Variants in PARD3B observed in about 807,000 individuals in gnomAD.
PARD3B encodes partitioning defective 3 homolog B.
In PARD3B, 103 loss-of-function variants were observed where a neutral mutation model predicts 130.2. That is an observed-to-expected ratio of 0.79 (90% confidence interval 0.67 to 0.93). The LOEUF (loss-of-function observed/expected upper bound fraction) is 0.93, where lower values mean the gene tolerates loss of function less well. Ranked by LOEUF, PARD3B falls within the 40% of genes least tolerant of loss-of-function variation. The probability of loss-of-function intolerance (pLI) is 0.00; values close to 1 mark genes in which losing one functional copy is unlikely to be tolerated. For missense variants in PARD3B, 1,609 were observed against 1,499.2 expected, an observed-to-expected ratio of 1.07 and a Z score of -1.21; for synonymous variants, 583 against 553.2, an observed-to-expected ratio of 1.05 and a Z score of -0.76.
At chr2:205,399,640 C>A (rs961164525) in intron 18 of PARD3B, among the ~76,000 whole-genome samples, 28 of 152,160 alleles carry the variant, frequency 1.8e-4, no homozygotes, top group Non-Finnish European at 3.4e-4. Context: ...CAGGCGTGAG[C>A]CACCACACCC....
At chr2:204,556,914 A>C (rs1386166818) in intron 1 of PARD3B, among the ~76,000 whole-genome samples, 1 of 152,084 alleles carries the variant, frequency 6.6e-6, no homozygotes, top group Non-Finnish European at 1.5e-5. Flanking sequence ...AAAATTATCA[A>C]GATCTAGTAG....
At chr2:205,390,873 T>C (rs1008702434) in intron 18 of PARD3B, among the ~76,000 whole-genome samples, 14 of 152,266 alleles carry the variant, frequency 9.2e-5, no homozygotes, top group Non-Finnish European at 1.8e-4. Flanking sequence ...TTTGATGTTT[T>C]ATTTAGAGAC....
chr2:204,725,322 G>A (rs1247357297), intron 2 of PARD3B, among the ~76,000 whole-genome samples: 1 of 152,122 alleles, frequency 6.6e-6, no homozygotes, highest in East Asian at 1.9e-4. Context: ...GAAAAAGCAA[G>A]ACAAATTGCT....
intron 20 of PARD3B, among the ~76,000 whole-genome samples, chr2:205,493,720 GTATGTATT>G (rs1346101402): frequency 0.055 from 277 of 5,068 alleles, 3 homozygotes; most frequent in South Asian, 0.28. Flanking sequence ...TTTCATTTAT[GTATGTATT>G]TATTTATTTA....
chr2:204,662,604 GAATATTAAAGATACGT>G (rs758657537), intron 1 of PARD3B, among the ~76,000 whole-genome samples: 12 of 152,222 alleles, frequency 7.9e-5, no homozygotes, highest in Non-Finnish European at 1.3e-4. Context: ...TTGTCACATA[GAATATTAAAGATACGT>G]AAGTTCAAGG....
Position 205,407,335 on chromosome 2 carries a change from A to G in PARD3B, c.2741+6212A>G, listed in dbSNP as rs1320501255. 6.6e-6 allele frequency among the ~76,000 whole-genome samples: 1 copy of G among 152,222 alleles called. No individual in the cohort carries two copies. The highest frequency in any genetic ancestry group is 1.9e-4 in the East Asian group (1 of 5,204). ...TGCTTCAGTGAGATTAGCCATAATA[A>G]AAGATTAGTTCCAAAGGCCCATATT... On this transcript the variant is annotated intron_variant, in intron 19 of 22. Coordinates refer to ENST00000406610, the MANE Select transcript of PARD3B (RefSeq NM_001302769.2). This position sits in a 1 kb window ranked among gnomAD's most constrained non-coding sequence, Gnocchi z 4.1.
intron 21 of PARD3B, among the ~76,000 whole-genome samples, chr2:205,502,819 A>G (rs972470327): frequency 1.3e-5 from 2 of 152,122 alleles, no homozygotes; most frequent in African/African-American, 4.8e-5. Flanking sequence ...ATATAAATAT[A>G]TATGACTAAT....
intron 1 of PARD3B, among the ~76,000 whole-genome samples, chr2:204,548,322 C>T (rs766837857): frequency 9.9e-5 from 15 of 152,038 alleles, no homozygotes; most frequent in Admixed American, 2.6e-4. Flanking sequence ...TAATAATAAT[C>T]ACACTAACAT....
intron 1 of PARD3B, among the ~76,000 whole-genome samples, chr2:204,560,071 G>A (rs904417634): frequency 3.9e-5 from 6 of 152,094 alleles, no homozygotes; most frequent in Non-Finnish European, 8.8e-5. Flanking sequence ...ATAGCATTGG[G>A]AGAAATACCT....
At position 205,615,998 on chromosome 2, in the gene PARD3B, GA is replaced by G. The variant is rs199979746; in HGVS notation, c.*193del. On this transcript the variant is annotated 3_prime_UTR_variant, in exon 23 of 23. Coordinates refer to ENST00000406610, the MANE Select transcript of PARD3B (RefSeq NM_001302769.2). ...AAAGAAGGGGAAGGGAATTGGGGAG[GA>G]AAAAAAATCAGAAGGAAGACGAAAG... is the stretch of plus-strand genomic sequence containing the variant. The G allele has an allele frequency of 2.1e-5, 12 of 561,890 alleles. No individual in the cohort carries two copies. Among genetic ancestry groups the G allele is most frequent in the African/African-American group, 1.1e-4 (6 of 52,430 alleles). 34.8% of individuals were successfully genotyped at this position (561,890 alleles called of 1,614,324 possible).
intron 2 of PARD3B, among the ~76,000 whole-genome samples, chr2:204,848,112 A>G (rs929908038): frequency 2.0e-5 from 3 of 152,128 alleles, no homozygotes; most frequent in Admixed American, 2.0e-4. Flanking sequence ...GTTCTATTTT[A>G]TTATTTTTAT....
At chr2:205,347,076 A>G (rs1215022194) in intron 18 of PARD3B, among the ~76,000 whole-genome samples, 2 of 152,112 alleles carry the variant, frequency 1.3e-5, no homozygotes, top group Non-Finnish European at 2.9e-5. Context: ...ATTCAAAAAC[A>G]CTTCTCCAAA....
At chr2:205,578,113 C>T (rs981784022) in intron 22 of PARD3B, among the ~76,000 whole-genome samples, 10 of 152,178 alleles carry the variant, frequency 6.6e-5, no homozygotes, top group Admixed American at 3.9e-4. Context: ...GGGCCCTGCT[C>T]ATTGGCCCCT....
At chr2:204,595,985 CAT>C (rs917008460) in intron 1 of PARD3B, among the ~76,000 whole-genome samples, 8 of 152,332 alleles carry the variant, frequency 5.3e-5, no homozygotes, top group East Asian at 1.9e-4. Flanking sequence ...GCAAGCAAAA[CAT>C]GTGCTCTGCT....
intron 4 of PARD3B, among the ~76,000 whole-genome samples, chr2:205,087,105 C>A (rs1701786221): frequency 6.6e-6 from 1 of 151,902 alleles, no homozygotes; most frequent in African/African-American, 2.4e-5. Context: ...ATTTTTTAAT[C>A]TCTTCTTTGA....
At chr2:205,148,137 T>C (rs1323065137) in intron 10 of PARD3B, among the ~76,000 whole-genome samples, 2 of 152,146 alleles carry the variant, frequency 1.3e-5, no homozygotes, top group African/African-American at 2.4e-5. Flanking sequence ...ATATATTCTA[T>C]TTTCTATCTA....
intron 21 of PARD3B, among the ~76,000 whole-genome samples, chr2:205,508,103 G>A (rs2050445280): frequency 6.6e-6 from 1 of 152,182 alleles, no homozygotes; most frequent in Admixed American, 6.5e-5. Flanking sequence ...AAAGAGGAGG[G>A]AACAATTCAC....
At chr2:205,192,467 T>G (rs998532115) in intron 14 of PARD3B, among the ~76,000 whole-genome samples, 2 of 152,184 alleles carry the variant, frequency 1.3e-5, no homozygotes, top group Admixed American at 6.5e-5. Flanking sequence ...AATTTATTTC[T>G]AAAACAAGAA....
chr2:204,714,113 A>G (rs998689870), intron 2 of PARD3B, among the ~76,000 whole-genome samples: 2 of 152,162 alleles, frequency 1.3e-5, no homozygotes, highest in Admixed American at 1.3e-4. Flanking sequence ...GTCCTGTACT[A>G]CAGGGTTAAT....
Sources: gnomAD v4.1 joint callset for allele counts (sites outside exome capture counted in the v4.1 genomes callset) on GRCh38, gnomAD v4.1.1 for gene constraint, Gnocchi (gnomAD v3.1) non-coding constraint, MANE v1.5 for transcripts, NCBI Gene and HGNC (gene_info 2026-07-23, HGNC 2026-07-21) for gene names.